DTWD2: variants seen among roughly 807,000 people sequenced by gnomAD.
The protein encoded by DTWD2 is tRNA-uridine aminocarboxypropyltransferase 2.
In DTWD2, 39 loss-of-function variants were observed where a neutral mutation model predicts 31.8. That is an observed-to-expected ratio of 1.22 (90% confidence interval 0.95 to 1.60). The LOEUF is 1.60. Ranked by LOEUF, DTWD2 falls within the 40% of genes most tolerant of loss-of-function variation. DTWD2 has a pLI of 0.00. For missense variants in DTWD2, 515 were observed against 381.5 expected (o/e 1.35, Z -2.92); for synonymous variants, 180 against 142.8 (o/e 1.26, Z -1.86).
intron 4 of DTWD2, among the ~76,000 whole-genome samples, chr5:118,893,582 A>G (rs1753021249): frequency 6.6e-6 from 1 of 152,052 alleles, no homozygotes; most frequent in Admixed American, 6.6e-5. Context: ...TGTAGATGTG[A>G]TCAAATTAAA....
At chr5:118,977,523 A>G (rs1444548914) in intron 1 of DTWD2, among the ~76,000 whole-genome samples, 1 of 152,222 alleles carries the variant, frequency 6.6e-6, no homozygotes, top group African/African-American at 2.4e-5. Context: ...AAAAATCACA[A>G]GCATTCCTAT....
intron 5 of DTWD2, among the ~76,000 whole-genome samples, chr5:118,842,410 A>G (rs563334399): frequency 6.6e-6 from 1 of 152,298 alleles, no homozygotes; most frequent in East Asian, 1.9e-4. Flanking sequence ...CTAGAAAATA[A>G]CTGTTGAAGG....
At chr5:118,879,623 A>G (rs1752696247) in intron 4 of DTWD2, among the ~76,000 whole-genome samples, 1 of 151,808 alleles carries the variant, frequency 6.6e-6, no homozygotes, top group Non-Finnish European at 1.5e-5. Flanking sequence ...AAAAAAAAAA[A>G]AAAAAAAGAA....
intron 1 of DTWD2, among the ~76,000 whole-genome samples, chr5:118,981,981 G>A (rs1425367831): frequency 6.6e-6 from 1 of 152,134 alleles, no homozygotes; most frequent in Admixed American, 6.6e-5. Flanking sequence ...ATTATGTGGT[G>A]TAGCAATAAA....
chr5:118,890,775 T>C (rs1208347999), intron 4 of DTWD2, among the ~76,000 whole-genome samples: 3 of 152,144 alleles, frequency 2.0e-5, no homozygotes, highest in Admixed American at 2.0e-4. Flanking sequence ...TTCGCCATGT[T>C]GGCCAGGATG....
chr5:118,852,162 C>T (rs1410356057), intron 4 of DTWD2, among the ~76,000 whole-genome samples: 2 of 152,126 alleles, frequency 1.3e-5, no homozygotes, highest in East Asian at 3.9e-4. Context: ...GCTCTTTTTG[C>T]CCAACCCGGG....
Position 118,928,531 on chromosome 5 carries a change from GT to G in DTWD2, c.597+5del, listed in dbSNP as rs1561458963. On this transcript the variant is annotated splice_donor_5th_base_variant and intron_variant, in intron 4 of 5. Transcript: ENST00000510708. Reference sequence around the variant, plus strand: ...TATTTATTCTCTGTTAAAATTACTAGTTTACCTGTTTGGGATGTCGGAACAA... The same window carrying G: ...TATTTATTCTCTGTTAAAATTACTAGTTACCTGTTTGGGATGTCGGAACAA... 6.8e-7 allele frequency: 1 copy of G among 1,481,102 alleles called. No individual in the cohort carries two copies. The allele number at this position is 1,481,102 out of a possible 1,614,324, so 91.7% of individuals were successfully genotyped here.
intron 5 of DTWD2, among the ~76,000 whole-genome samples, chr5:118,847,730 C>A (rs1338512384): frequency 6.6e-6 from 1 of 150,574 alleles, no homozygotes; most frequent in Non-Finnish European, 1.5e-5. Context: ...TTCTTTTAAC[C>A]AAAAAGAAGA....
At chr5:118,897,315 T>C (rs1020016569) in intron 4 of DTWD2, among the ~76,000 whole-genome samples, 3 of 152,206 alleles carry the variant, frequency 2.0e-5, no homozygotes, top group African/African-American at 7.2e-5. Context: ...TGAAGTGTTA[T>C]CTACAACAGA....
At chr5:118,940,530 C>G (rs1754155248) in intron 2 of DTWD2, among the ~76,000 whole-genome samples, 1 of 152,134 alleles carries the variant, frequency 6.6e-6, no homozygotes, top group South Asian at 2.1e-4. Context: ...TATAACCATA[C>G]AATATATGTT....
intron 1 of DTWD2, among the ~76,000 whole-genome samples, chr5:118,948,533 T>C (rs1222794725): frequency 6.6e-6 from 1 of 150,712 alleles, no homozygotes; most frequent in Non-Finnish European, 1.5e-5. Flanking sequence ...CAGGAAAAAA[T>C]GAAATATGGG....
chr5:118,949,623 G>A (rs546564413), intron 1 of DTWD2, among the ~76,000 whole-genome samples: 76 of 152,268 alleles, frequency 5.0e-4, no homozygotes, highest in Admixed American at 1.1e-3. Context: ...TAAAGCATGC[G>A]GTGGGATGGG....
At chr5:118,941,455 T>C (rs931364226) in intron 2 of DTWD2, among the ~76,000 whole-genome samples, 2 of 152,218 alleles carry the variant, frequency 1.3e-5, no homozygotes, top group Admixed American at 6.5e-5. Flanking sequence ...GTGATATAGT[T>C]TGCTAAGAAT....
intron 4 of DTWD2, among the ~76,000 whole-genome samples, chr5:118,924,788 A>C (rs1027203210): frequency 1.3e-5 from 2 of 152,190 alleles, no homozygotes; most frequent in African/African-American, 4.8e-5. Context: ...TTTAGCTCTA[A>C]CAAGATGGGT....
At chr5:118,927,973 A>G (rs1431512220) in intron 4 of DTWD2, among the ~76,000 whole-genome samples, 3 of 152,122 alleles carry the variant, frequency 2.0e-5, no homozygotes, top group Admixed American at 6.5e-5. Flanking sequence ...TTTCAGCAAT[A>G]TATCAAAAAT....
intron 5 of DTWD2, among the ~76,000 whole-genome samples, chr5:118,844,671 C>G (rs530975175): frequency 6.6e-6 from 1 of 152,318 alleles, no homozygotes; most frequent in South Asian, 2.1e-4. Flanking sequence ...TAATTCAAAA[C>G]TACTTCAAAA....
chr5:118,970,381 T>C (rs981459847), intron 1 of DTWD2, among the ~76,000 whole-genome samples: 1 of 151,972 alleles, frequency 6.6e-6, no homozygotes, highest in Non-Finnish European at 1.5e-5. Flanking sequence ...GAACCAAGAT[T>C]GCACCACGGC....
intron 4 of DTWD2, among the ~76,000 whole-genome samples, chr5:118,897,599 C>T (rs1561446568): frequency 6.6e-6 from 1 of 152,176 alleles, no homozygotes; most frequent in Non-Finnish European, 1.5e-5. Context: ...TAGCCTCCAA[C>T]CTGCTATGTT....
At chr5:118,880,090 G>C (rs1752708916) in intron 4 of DTWD2, among the ~76,000 whole-genome samples, 1 of 152,168 alleles carries the variant, frequency 6.6e-6, no homozygotes, top group South Asian at 2.1e-4. Context: ...TATTTTGACA[G>C]TTAAAAGAGA....
Sources: gnomAD v4.1 joint callset for allele counts (sites outside exome capture counted in the v4.1 genomes callset) on GRCh38, gnomAD v4.1.1 for gene constraint, MANE v1.5 for transcripts, NCBI Gene and HGNC (gene_info 2026-07-23, HGNC 2026-07-21) for gene names.